Variants in TTC27 observed in about 807,000 individuals in gnomAD.
TTC27 encodes the protein tetratricopeptide repeat domain 27.
Under a neutral mutation model 115.9 loss-of-function variants are expected in TTC27, and 79 were observed. The observed-to-expected ratio is 0.68, with a 90% CI of 0.57 to 0.82. The LOEUF (loss-of-function observed/expected upper bound fraction) is 0.82, where lower values mean the gene tolerates loss of function less well. Ranked by LOEUF, TTC27 falls within the 40% of genes least tolerant of loss-of-function variation. The pLI, the probability that TTC27 is intolerant of heterozygous loss-of-function variation, is 0.00. For missense variants in TTC27, 1,054 were observed against 993.1 expected, an observed-to-expected ratio of 1.06 and a Z score of -0.82; for synonymous variants, 401 against 356.0, an observed-to-expected ratio of 1.13 and a Z score of -1.42.
At chr2:32,684,577 T>C (rs186693324) in intron 9 of TTC27, among the ~76,000 whole-genome samples, 72 of 152,312 alleles carry the variant, frequency 4.7e-4, no homozygotes, top group African/African-American at 1.7e-3. Context: ...TTATATTTTA[T>C]GTATTTTCTT....
At chr2:32,774,775 A>G (rs1248458868) in intron 13 of TTC27, among the ~76,000 whole-genome samples, 1 of 152,370 alleles carries the variant, frequency 6.6e-6, no homozygotes, top group East Asian at 1.9e-4. Context: ...CAAATTCTGA[A>G]GACCTCAAAA....
intron 10 of TTC27, among the ~76,000 whole-genome samples, chr2:32,723,065 A>C (rs1468748099): frequency 6.6e-6 from 1 of 152,182 alleles, no homozygotes; most frequent in African/African-American, 2.4e-5. Context: ...AGCCCTAGAA[A>C]GTTACAGAAA....
intron 3 of TTC27, among the ~76,000 whole-genome samples, chr2:32,636,404 G>A (rs951496780): frequency 1.3e-5 from 2 of 152,108 alleles, no homozygotes; most frequent in African/African-American, 2.4e-5. Flanking sequence ...AGTAGAGACG[G>A]GGTTTCACCA....
At chr2:32,688,636 A>T (rs1666716758) in intron 9 of TTC27, among the ~76,000 whole-genome samples, 1 of 152,130 alleles carries the variant, frequency 6.6e-6, no homozygotes, top group South Asian at 2.1e-4. Flanking sequence ...AGATATATGC[A>T]TGGCCAAAAG....
At chr2:32,773,676 C>T (rs1348213862) in intron 13 of TTC27, among the ~76,000 whole-genome samples, 1 of 152,174 alleles carries the variant, frequency 6.6e-6, no homozygotes. Context: ...GTGAGGAACG[C>T]ATGAGTAATG....
intron 5 of TTC27, among the ~76,000 whole-genome samples, chr2:32,657,353 C>CT (rs988569906): frequency 0.11 from 14,639 of 128,290 alleles, 1,022 homozygotes; most frequent in Middle Eastern, 0.19. Flanking sequence ...CACTGTCTTT[C>CT]TTTTTTTTTT....
chr2:32,654,360 AG>A (rs555610472), intron 5 of TTC27, among the ~76,000 whole-genome samples: 138 of 152,306 alleles, frequency 9.1e-4, no homozygotes, highest in African/African-American at 3.3e-3. Flanking sequence ...GTAGAGCCAA[AG>A]ATGGTATAGT....
At chr2:32,656,668 T>A (rs1226962729) in intron 5 of TTC27, among the ~76,000 whole-genome samples, 1 of 152,206 alleles carries the variant, frequency 6.6e-6, no homozygotes, top group East Asian at 1.9e-4. Context: ...GTGCTGGGCC[T>A]ATACCAGTGG....
chr2:32,806,789 A>C (rs1295596800), intron 16 of TTC27, among the ~76,000 whole-genome samples: 2 of 152,192 alleles, frequency 1.3e-5, no homozygotes, highest in Non-Finnish European at 2.9e-5. Context: ...AAAGAAAAAA[A>C]AAAAGTTGAT....
At chr2:32,714,489 T>A (rs1667692224) in intron 10 of TTC27, among the ~76,000 whole-genome samples, 1 of 152,186 alleles carries the variant, frequency 6.6e-6, no homozygotes, top group African/African-American at 2.4e-5. Flanking sequence ...TTTAGTCTAC[T>A]GTTGATGGGA....
At chr2:32,647,091 C>T (rs1012573670) in intron 4 of TTC27, among the ~76,000 whole-genome samples, 5 of 150,702 alleles carry the variant, frequency 3.3e-5, no homozygotes, top group Non-Finnish European at 5.9e-5. Flanking sequence ...TTTACAGATA[C>T]GCACCACCAC....
In TTC27 at chr2:32,634,461, A is replaced by C. The variant is rs144230890; in HGVS notation, c.396+456A>C. On this transcript the variant is annotated intron_variant, in intron 3 of 19. Coordinates refer to ENST00000317907, the MANE Select transcript of TTC27 (RefSeq NM_017735.5). ...CAGTTGCATGCCAACATGTCCAGCT[A>C]ATTTTTTTGTAGAGATGGAGTTTTG... Among the ~76,000 whole-genome samples, 355 of 150,970 alleles carry C rather than the reference A, an allele frequency of 2.4e-3. 1 individual carries two copies. The highest frequency in any genetic ancestry group is 8.4e-3 in the African/African-American group (344 of 41,128).
chr2:32,674,847 A>G (rs1454919736), intron 8 of TTC27, among the ~76,000 whole-genome samples: 1 of 151,966 alleles, frequency 6.6e-6, no homozygotes, highest in Non-Finnish European at 1.5e-5. Context: ...TGTATTTGGT[A>G]GATATGGGGT....
rs1371130923 is a variant in TTC27, at chr2:32,758,296, A to G, written c.1457A>G (p.Glu486Gly). 2 of 1,613,968 alleles carry G rather than the reference A, an allele frequency of 1.2e-6. No homozygotes were observed. The highest frequency in any genetic ancestry group is 1.7e-6 in the Non-Finnish European group (2 of 1,180,002). Reference sequence around the variant, plus strand: ...CATTATTTCTGTTGTTTCTAGGCAGAAGAAATCCTTAGACAAGAGCTGGAG... The same window carrying G: ...CATTATTTCTGTTGTTTCTAGGCAGGAGAAATCCTTAGACAAGAGCTGGAG... ...YERAGQHGKA[E>G]EILRQELEKK... is the part of the protein sequence containing the mutation. The change falls in exon 13 of 20, where the codon GAA becomes GGA. Residue 486 changes from glutamate (E) to glycine (G), a missense_variant. By Grantham distance (98) the Glu-to-Gly change is moderately conservative. Transcript: ENST00000317907.
At chr2:32,816,153 T>C (rs1385359320) in intron 18 of TTC27, among the ~76,000 whole-genome samples, 1 of 151,836 alleles carries the variant, frequency 6.6e-6, no homozygotes, top group East Asian at 1.9e-4. Flanking sequence ...ACCAAAAAAT[T>C]AAAAAATTAA....
At chr2:32,693,920 T>C (rs1458197356) in intron 9 of TTC27, among the ~76,000 whole-genome samples, 1 of 152,252 alleles carries the variant, frequency 6.6e-6, no homozygotes, top group Non-Finnish European at 1.5e-5. Flanking sequence ...GAATGTGTTA[T>C]ATAAATGTTT....
At chr2:32,753,604 C>T (rs562449208) in intron 12 of TTC27, among the ~76,000 whole-genome samples, 3 of 151,896 alleles carry the variant, frequency 2.0e-5, no homozygotes, top group East Asian at 2.0e-4. Context: ...CATGTGCCAC[C>T]GCGCCCATAT....
chr2:32,651,893 G>A (rs994365822), intron 5 of TTC27, among the ~76,000 whole-genome samples: 3 of 152,050 alleles, frequency 2.0e-5, no homozygotes, highest in Non-Finnish European at 4.4e-5. Context: ...CATTTATGTT[G>A]TTTGTTCCAG....
rs905136259 is a variant in TTC27, at chr2:32,650,077, A to T, written c.538-54A>T. On this transcript the variant is annotated intron_variant, in intron 4 of 19. Transcript: ENST00000317907. ...ATTCTAAAAATCTCAGTTAATGTAA[A>T]AAGAGTTTTCTAAAGTATCCTTTTA... The T allele has an allele frequency of 3.5e-6, 5 of 1,440,096 alleles. No individual in the cohort carries two copies. The South Asian group carries it at 4.9e-5, about 14-fold the overall frequency. The allele number at this position is 1,440,096 out of a possible 1,614,324, so 89.2% of individuals were successfully genotyped here.
Sources: allele counts gnomAD v4.1 joint callset (sites outside exome capture counted in the v4.1 genomes callset), GRCh38; gene constraint gnomAD v4.1.1; transcripts MANE v1.5; gene names NCBI Gene and HGNC (gene_info 2026-07-23, HGNC 2026-07-21).